UTS2: variants seen among roughly 807,000 people sequenced by gnomAD.
UTS2 encodes the protein urotensin 2, also known as urotensin-2.
In UTS2, 10 loss-of-function variants were observed where a neutral mutation model predicts 12.6. The observed-to-expected ratio is 0.80, with a 90% confidence interval of 0.49 to 1.35. The LOEUF is 1.35. Among genes scored for constraint, UTS2 ranks in the 40% most tolerant of loss-of-function variants. The pLI, the probability that UTS2 is intolerant of heterozygous loss-of-function variation, is 0.00. For missense variants in UTS2, 142 were observed against 143.2 expected (o/e 0.99, Z 0.04); for synonymous variants, 52 against 50.0 (o/e 1.04, Z -0.17).
chr1:7,909,546 CAA>C, the UTS2 span, among the ~76,000 whole-genome samples: 170 of 104,170 alleles, frequency 1.6e-3, no homozygotes, highest in African/African-American at 2.7e-3. Context: ...GACTCTGTCT[CAA>C]AAAAAAAAAA....
At chr1:7,871,268 AGGCCAGCCGTGAG>A in the UTS2 span, among the ~76,000 whole-genome samples, 1 of 152,186 alleles carries the variant, frequency 6.6e-6, no homozygotes, top group Non-Finnish European at 1.5e-5. Context: ...GTGGGACACA[AGGCCAGCCGTGAG>A]GGCCAGCCCT....
At chr1:7,890,560 C>T in the UTS2 span, among the ~76,000 whole-genome samples, 12 of 152,048 alleles carry the variant, frequency 7.9e-5, no homozygotes, top group East Asian at 1.2e-3. Context: ...GATGCATTTA[C>T]GAAGATGTTA....
At chr1:7,852,101 C>T (rs2097414762) in intron 1 of UTS2, among the ~76,000 whole-genome samples, 1 of 151,506 alleles carries the variant, frequency 6.6e-6, no homozygotes, top group Admixed American at 6.6e-5. Flanking sequence ...TTGGGATGAA[C>T]TTTTAGAGAC....
At chr1:7,904,252 G>A in the UTS2 span, among the ~76,000 whole-genome samples, 10 of 151,490 alleles carry the variant, frequency 6.6e-5, no homozygotes, top group African/African-American at 2.4e-4. Flanking sequence ...GATAGCTTGA[G>A]CCCAAGAGTT....
the UTS2 span, among the ~76,000 whole-genome samples, chr1:7,902,160 G>A: frequency 6.7e-6 from 1 of 149,546 alleles, no homozygotes; most frequent in African/African-American, 2.5e-5. Flanking sequence ...ACAGGGTCTG[G>A]GATCAGACAC....
the UTS2 span, among the ~76,000 whole-genome samples, chr1:7,887,976 G>A: frequency 0.018 from 2,808 of 152,166 alleles, 81 homozygotes; most frequent in African/African-American, 0.064. Context: ...AGACCAAAGT[G>A]CATTTGTGAA....
the UTS2 span, among the ~76,000 whole-genome samples, chr1:7,862,991 T>TTG: frequency 5.4e-5 from 1 of 18,654 alleles, no homozygotes; most frequent in African/African-American, 1.9e-4. Flanking sequence ...TTGTGTTGTG[T>TTG]TGTATTGTAT....
intron 1 of UTS2, among the ~76,000 whole-genome samples, chr1:7,851,547 G>A (rs1356976714): frequency 6.6e-6 from 1 of 152,204 alleles, no homozygotes; most frequent in Admixed American, 6.5e-5. Context: ...ACCGGAGTGT[G>A]AGGCGTGGTA....
chr1:7,890,895 G>A, the UTS2 span, among the ~76,000 whole-genome samples: 2 of 147,254 alleles, frequency 1.4e-5, no homozygotes, highest in African/African-American at 5.0e-5. Flanking sequence ...ATTTACCTGA[G>A]AGAAAAGAAA....
At chr1:7,909,360 C>T in the UTS2 span, among the ~76,000 whole-genome samples, 1 of 151,932 alleles carries the variant, frequency 6.6e-6, no homozygotes, top group Non-Finnish European at 1.5e-5. Context: ...GCCTGGTTAA[C>T]ATGGTGAAAC....
the UTS2 span, among the ~76,000 whole-genome samples, chr1:7,879,806 T>G: frequency 6.6e-6 from 1 of 152,088 alleles, no homozygotes; most frequent in Non-Finnish European, 1.5e-5. Flanking sequence ...TCAAAATTTA[T>G]GGGATACAGC....
At chr1:7,890,970 C>G in the UTS2 span, among the ~76,000 whole-genome samples, 3 of 150,780 alleles carry the variant, frequency 2.0e-5, no homozygotes, top group African/African-American at 7.3e-5. Flanking sequence ...ACCCTCCACC[C>G]CCCCCCACAA....
At chr1:7,888,488 C>T in the UTS2 span, among the ~76,000 whole-genome samples, 6 of 152,142 alleles carry the variant, frequency 3.9e-5, no homozygotes, top group Non-Finnish European at 8.8e-5. Flanking sequence ...TAACTTTTTC[C>T]GGAAAATGTC....
the UTS2 span, among the ~76,000 whole-genome samples, chr1:7,868,616 C>T: frequency 1.3e-5 from 2 of 152,226 alleles, no homozygotes; most frequent in African/African-American, 4.8e-5. Context: ...ATGTCCCTGT[C>T]GCCCTGTGTG....
At chr1:7,862,968 C>T in the UTS2 span, among the ~76,000 whole-genome samples, 15 of 150,574 alleles carry the variant, frequency 1.0e-4, no homozygotes, top group Admixed American at 2.6e-4. Flanking sequence ...CCTACCCTGA[C>T]GGCCGTTATT....
At chr1:7,876,824 TG>T in the UTS2 span, among the ~76,000 whole-genome samples, 22,545 of 152,018 alleles carry the variant, frequency 0.15, 1,857 homozygotes, top group Middle Eastern at 0.27. Context: ...GTACCAAATG[TG>T]TAGATATCAA....
the UTS2 span, among the ~76,000 whole-genome samples, chr1:7,896,355 C>T: frequency 6.6e-6 from 1 of 151,844 alleles, no homozygotes; most frequent in Non-Finnish European, 1.5e-5. Flanking sequence ...CAAATTAAAC[C>T]TAAACCCAGA....
the UTS2 span, among the ~76,000 whole-genome samples, chr1:7,886,664 C>A: frequency 6.6e-6 from 1 of 152,304 alleles, no homozygotes; most frequent in East Asian, 1.9e-4. Flanking sequence ...CAGTCTTTCT[C>A]TCACTTTCTG....
chr1:7,855,363 C>G (rs1438523397), upstream of UTS2, among the ~76,000 whole-genome samples: 1 of 151,988 alleles, frequency 6.6e-6, no homozygotes, highest in Non-Finnish European at 1.5e-5. Context: ...GCGGGCAGAT[C>G]ACCTGAGGTC....
Sources: gnomAD v4.1 joint callset for allele counts (sites outside exome capture counted in the v4.1 genomes callset) on GRCh38, gnomAD v4.1.1 for gene constraint, MANE v1.5 for transcripts, NCBI Gene and HGNC (gene_info 2026-07-23, HGNC 2026-07-21) for gene names.